Variants in CPNE5 observed in about 807,000 individuals in gnomAD.
CPNE5 encodes the protein copine-5.
In CPNE5, 42 loss-of-function variants were observed where a neutral mutation model predicts 81.1. That is an observed-to-expected ratio of 0.52 (90% CI 0.40 to 0.67). The LOEUF (loss-of-function observed/expected upper bound fraction) is 0.67, where lower values mean the gene tolerates loss of function less well. Ranked by LOEUF, CPNE5 falls within the 30% of genes least tolerant of loss-of-function variation. CPNE5 has a pLI of 0.00. For synonymous variants in CPNE5, 313 were observed against 321.5 expected, an observed-to-expected ratio of 0.97 and a Z score of 0.28; for missense variants, 612 against 815.5, an observed-to-expected ratio of 0.75 and a Z score of 3.04.
intron 8 of CPNE5, among the ~76,000 whole-genome samples, chr6:36,782,956 C>A (rs1582869704): frequency 6.6e-6 from 1 of 151,802 alleles, no homozygotes; most frequent in East Asian, 1.9e-4. Context: ...GGTAACTTAA[C>A]CTCTCTGAGG....
chr6:36,747,698 T>C (rs12055620), intron 15 of CPNE5, among the ~76,000 whole-genome samples: 1 of 152,166 alleles, frequency 6.6e-6, no homozygotes, highest in Non-Finnish European at 1.5e-5. Context: ...TTTCTAATCA[T>C]GTAAAGTTGG....
At chr6:36,753,120 C>T (rs772732361) in intron 13 of CPNE5, 25 bp from the exon 14 acceptor site, 2 of 1,606,404 alleles carry the variant, frequency 1.2e-6, no homozygotes, top group South Asian at 2.2e-5. Context: ...GGAGCTTGGT[C>T]AGTGGGGAGC....
Position 36,839,170 on chromosome 6 carries a change from G to A in CPNE5, c.95+113C>T. 2.6e-6 allele frequency: 2 copies of A among 757,492 alleles called. No homozygotes were observed. Among genetic ancestry groups the A allele is most frequent in the South Asian group, 1.9e-5 (1 of 51,750 alleles). 46.9% of individuals were successfully genotyped at this position (757,492 alleles called of 1,614,324 possible). A position where few individuals can be genotyped will look rare whatever the true frequency, so the allele number is the denominator to read the frequency against. ...AGATCGGCAGGGGCGCAGTCCTGGA[G>A]ACCAGGACACTCTGGGAAGGGGGCG... On this transcript the variant is annotated intron_variant, in intron 1 of 20. Coordinates refer to ENST00000244751, the MANE Select transcript of CPNE5 (RefSeq NM_020939.2). This position sits in a 1 kb window ranked among gnomAD's most constrained non-coding sequence, Gnocchi z 7.3.
chr6:36,828,340 G>A (rs1772693531), intron 1 of CPNE5, among the ~76,000 whole-genome samples: 1 of 151,302 alleles, frequency 6.6e-6, no homozygotes, highest in South Asian at 2.1e-4. Flanking sequence ...GAAAGGTATG[G>A]GTAGAGGCTG....
rs375392469 is a variant in CPNE5, at chr6:36,808,173, C to G, written c.184-8103G>C. 4.6e-4 allele frequency among the ~76,000 whole-genome samples: 70 copies of G among 152,206 alleles called. 1 individual carries two copies. The East Asian group carries it at 0.011, about 24-fold the overall frequency. ...TGGCGCGATCTTGGCTCACTGCAAC[C>G]TCTGCCTCCTGTGTTCAAGTGATTC... On this transcript the variant is annotated intron_variant, in intron 3 of 20. Coordinates refer to ENST00000244751, the MANE Select transcript of CPNE5 (RefSeq NM_020939.2).
In CPNE5 at chr6:36,839,156, G is replaced by T; in HGVS notation, c.95+127C>A. ...CAGGGGCTCTTGGCAGATCGGCAGG[G>T]GCGCAGTCCTGGAGACCAGGACACT... On this transcript the variant is annotated intron_variant, in intron 1 of 20. Coordinates refer to ENST00000244751, the MANE Select transcript of CPNE5 (RefSeq NM_020939.2). This position sits in a 1 kb window ranked among gnomAD's most constrained non-coding sequence, Gnocchi z 7.3. The T allele has an allele frequency of 1.6e-6, 1 of 637,872 alleles. No individual in the cohort carries two copies. Among genetic ancestry groups the T allele is most frequent in the Non-Finnish European group, 2.6e-6 (1 of 392,128 alleles). The allele number at this position is 637,872 out of a possible 1,614,324, so 39.5% of individuals were successfully genotyped here. A position where few individuals can be genotyped will look rare whatever the true frequency, so the allele number is the denominator to read the frequency against.
At chr6:36,763,665 T>TAAG (rs1766276643) in intron 11 of CPNE5, among the ~76,000 whole-genome samples, 1 of 151,110 alleles carries the variant, frequency 6.6e-6, no homozygotes, top group African/African-American at 2.4e-5. Context: ...CATTTGTGGG[T>TAAG]AAGTGGGAAA....
intron 8 of CPNE5, among the ~76,000 whole-genome samples, chr6:36,788,466 GT>G (rs1020255445): frequency 1.3e-5 from 2 of 152,132 alleles, no homozygotes; most frequent in Non-Finnish European, 2.9e-5. Flanking sequence ...AGGATTAGGA[GT>G]TCCAAGGCCT....
chr6:36,803,233 C>T (rs1024873111), intron 3 of CPNE5, among the ~76,000 whole-genome samples: 2 of 152,196 alleles, frequency 1.3e-5, no homozygotes, highest in East Asian at 1.9e-4. Context: ...CACCTTGTCA[C>T]CTCGACTACC....
At chr6:36,772,531 G>A (rs2076119999) in intron 10 of CPNE5, among the ~76,000 whole-genome samples, 1 of 152,226 alleles carries the variant, frequency 6.6e-6, no homozygotes, top group Admixed American at 6.5e-5. Context: ...TGTGCTGCCT[G>A]TGGTCAGACC....
chr6:36,745,689 A>G (rs1764081431), intron 16 of CPNE5, among the ~76,000 whole-genome samples, 174 bp from the exon 17 acceptor site: 1 of 152,090 alleles, frequency 6.6e-6, no homozygotes, highest in Non-Finnish European at 1.5e-5. Flanking sequence ...GAAGCAGTGC[A>G]TGCTTCAGGT....
In CPNE5 at chr6:36,822,239, T is replaced by C. The variant is rs910850636; in HGVS notation, c.137-79A>G. On this transcript the variant is annotated intron_variant, in intron 2 of 20. Coordinates refer to ENST00000244751, the MANE Select transcript of CPNE5 (RefSeq NM_020939.2). ...GGTCCCAGATGAAAAGGATCCTGGC[T>C]GGGCAGGCGCCTCAGCAGACCCAGC... The C allele has an allele frequency of 2.3e-6, 3 of 1,279,240 alleles. No homozygotes were observed. The African/African-American group carries it at 4.5e-5, about 19-fold the overall frequency. 79.2% of individuals were successfully genotyped at this position (1,279,240 alleles called of 1,614,324 possible).
intron 3 of CPNE5, among the ~76,000 whole-genome samples, chr6:36,807,571 A>G (rs1770707728): frequency 6.6e-6 from 1 of 152,072 alleles, no homozygotes; most frequent in Non-Finnish European, 1.5e-5. Context: ...TATCTCTAAG[A>G]TGCTCCCAGT....
intron 1 of CPNE5, among the ~76,000 whole-genome samples, chr6:36,829,875 A>C (rs1772842586): frequency 7.1e-6 from 1 of 141,114 alleles, no homozygotes. Flanking sequence ...AAAAATACCC[A>C]ACAGGAATCC....
chr6:36,801,496 A>G (rs1282909873), intron 3 of CPNE5, among the ~76,000 whole-genome samples: 3 of 152,214 alleles, frequency 2.0e-5, no homozygotes, highest in African/African-American at 4.8e-5. Context: ...ATCCCATCAA[A>G]GCGGCTCTCT....
At chr6:36,758,859 G>A (rs905142775) in intron 12 of CPNE5, among the ~76,000 whole-genome samples, 2 of 152,206 alleles carry the variant, frequency 1.3e-5, no homozygotes, top group Admixed American at 6.5e-5. Context: ...GAGAGAGCCC[G>A]GGAGAGAAGA....
At chr6:36,833,146 C>G (rs1773108030) in intron 1 of CPNE5, among the ~76,000 whole-genome samples, 1 of 152,222 alleles carries the variant, frequency 6.6e-6, no homozygotes, top group Non-Finnish European at 1.5e-5. Context: ...TCTCAAGAAG[C>G]CCTCAAGGTC....
chr6:36,782,514 G>A (rs1196503444), intron 8 of CPNE5, among the ~76,000 whole-genome samples: 1 of 152,132 alleles, frequency 6.6e-6, no homozygotes, highest in Non-Finnish European at 1.5e-5. Context: ...GGCGAAAAAT[G>A]GCACAAAGGG....
rs1766467394 is a variant in CPNE5 at position 36,765,372 on chromosome 6, T to C, written c.742A>G (p.Ile248Val). The change falls in exon 11 of 21, where the codon ATC becomes GTC. Residue 248 changes from isoleucine to valine, a missense_variant. Ile to Val is a conservative substitution (Grantham distance 29). Coordinates refer to ENST00000244751, the MANE Select transcript of CPNE5 (RefSeq NM_020939.2). The part of the protein sequence containing the change: ...ALCNGDYDRT[I>V]KVEVYDWDRD... Reference sequence around the variant, plus strand: ...TCCCAGTCGTACACCTCCACCTTGATGGTCCTGCAAAACAAAGGCCTTTGC... The same window carrying C: ...TCCCAGTCGTACACCTCCACCTTGACGGTCCTGCAAAACAAAGGCCTTTGC... 2 of 1,614,150 alleles carry C rather than the reference T, an allele frequency of 1.2e-6. No individual in the cohort carries two copies. Among genetic ancestry groups the C allele is most frequent in the East Asian group, 4.5e-5 (2 of 44,880 alleles).
Sources: allele counts gnomAD v4.1 joint callset (sites outside exome capture counted in the v4.1 genomes callset), GRCh38; gene constraint gnomAD v4.1.1; non-coding constraint Gnocchi (gnomAD v3.1); transcripts MANE v1.5; gene names NCBI Gene and HGNC (gene_info 2026-07-23, HGNC 2026-07-21).